Variants in WWOX observed in about 807,000 individuals in gnomAD.
WWOX encodes WW domain-containing oxidoreductase.
WWOX carries 69 observed loss-of-function variants against 46.2 expected under a neutral mutation model. The ratio of observed to expected loss-of-function variants is 1.49; its 90% confidence interval spans 1.23 to 1.82. The LOEUF is 1.82. Ranked by LOEUF, WWOX falls within the 40% of genes most tolerant of loss-of-function variation. WWOX has a pLI of 0.00. For missense variants in WWOX, 919 were observed against 542.6 expected (o/e 1.69, Z -6.89); for synonymous variants, 359 against 202.6 (o/e 1.77, Z -6.56).
intron 8 of WWOX, among the ~76,000 whole-genome samples, chr16:79,147,760 T>C (rs1457934908): frequency 6.6e-6 from 1 of 152,244 alleles, no homozygotes. Context: ...GTTGCAGTTT[T>C]TTATTTTAGC....
chr16:78,756,224 G>C (rs957590204), intron 8 of WWOX, among the ~76,000 whole-genome samples: 1 of 152,154 alleles, frequency 6.6e-6, no homozygotes, highest in Non-Finnish European at 1.5e-5. Flanking sequence ...TCCCTTTCCA[G>C]CTGGCCCTGT....
At chr16:78,300,608 C>T (rs2080023457) in intron 5 of WWOX, among the ~76,000 whole-genome samples, 6 of 151,958 alleles carry the variant, frequency 3.9e-5, no homozygotes. Flanking sequence ...GTTTTTCATG[C>T]AATGGCATTA....
chr16:78,191,692 G>A (rs1350355221), intron 5 of WWOX, among the ~76,000 whole-genome samples: 2 of 152,132 alleles, frequency 1.3e-5, no homozygotes, highest in African/African-American at 4.8e-5. Flanking sequence ...TGAGGATTTA[G>A]AACAAGGCAG....
chr16:78,732,042 T>G (rs535557579), intron 8 of WWOX, among the ~76,000 whole-genome samples: 1 of 151,932 alleles, frequency 6.6e-6, no homozygotes, highest in East Asian at 1.9e-4. Flanking sequence ...CAAAACACTT[T>G]TTGTAGAGAA....
intron 8 of WWOX, among the ~76,000 whole-genome samples, chr16:79,186,325 G>A (rs1025166528): frequency 6.6e-6 from 1 of 152,160 alleles, no homozygotes; most frequent in Non-Finnish European, 1.5e-5. Context: ...CCACAGTGTG[G>A]ACAGGGCCAT....
chr16:78,632,567 T>TG (rs762941794), intron 8 of WWOX, among the ~76,000 whole-genome samples: 1 of 137,544 alleles, frequency 7.3e-6, no homozygotes, highest in African/African-American at 2.8e-5. Context: ...ATTTTTTTTT[T>TG]TTTTTTTTTT....
At chr16:78,101,284 T>TG (rs1313622520) in intron 1 of WWOX, among the ~76,000 whole-genome samples, 1 of 148,374 alleles carries the variant, frequency 6.7e-6, no homozygotes, top group Non-Finnish European at 1.5e-5. Context: ...CCTGACCTCG[T>TG]GATCCTCCCG....
chr16:79,042,496 G>T (rs1330461737), intron 8 of WWOX, among the ~76,000 whole-genome samples: 2 of 152,062 alleles, frequency 1.3e-5, no homozygotes, highest in Non-Finnish European at 1.5e-5. Flanking sequence ...GATCCTATTC[G>T]CATGATAAAA....
chr16:78,767,076 C>T (rs116627646), intron 8 of WWOX, among the ~76,000 whole-genome samples: 3,661 of 143,148 alleles, frequency 0.026, 170 homozygotes, highest in African/African-American at 0.09. Flanking sequence ...CTCCCTCCCT[C>T]CCTCCTTCTC....
chr16:79,076,023 C>A (rs1384930377), intron 8 of WWOX, among the ~76,000 whole-genome samples: 1 of 152,004 alleles, frequency 6.6e-6, no homozygotes, highest in Non-Finnish European at 1.5e-5. Flanking sequence ...TTTCTTCTTA[C>A]AGTATATGTA....
chr16:78,517,965 A>T (rs2043273924), intron 8 of WWOX, among the ~76,000 whole-genome samples: 1 of 147,174 alleles, frequency 6.8e-6, no homozygotes, highest in African/African-American at 2.5e-5. Context: ...ATATGTGTGG[A>T]CCACAGAGAT....
intron 8 of WWOX, among the ~76,000 whole-genome samples, chr16:78,573,385 C>G (rs997949939): frequency 6.6e-5 from 10 of 152,316 alleles, no homozygotes; most frequent in Admixed American, 2.0e-4. Context: ...GTTTTTTCTT[C>G]TTAGCCATTT....
At chr16:78,711,658 G>A (rs556594632) in intron 8 of WWOX, among the ~76,000 whole-genome samples, 2 of 152,062 alleles carry the variant, frequency 1.3e-5, no homozygotes, top group East Asian at 1.9e-4. Context: ...TATTTGAGAC[G>A]AACAGGCCAA....
intron 8 of WWOX, among the ~76,000 whole-genome samples, chr16:78,578,977 A>T (rs920497575): frequency 1.3e-5 from 2 of 152,160 alleles, no homozygotes; most frequent in African/African-American, 2.4e-5. Flanking sequence ...AACCACCACC[A>T]CAAAAGAGGC....
At chr16:78,806,555 C>A (rs561278819) in intron 8 of WWOX, among the ~76,000 whole-genome samples, 14 of 152,178 alleles carry the variant, frequency 9.2e-5, no homozygotes, top group African/African-American at 3.4e-4. Context: ...GGGACCCTTG[C>A]TGGAGGGTCT....
chr16:78,626,032 A>G (rs72805032), intron 8 of WWOX, among the ~76,000 whole-genome samples: 2,392 of 151,956 alleles, frequency 0.016, 29 homozygotes, highest in Middle Eastern at 0.051. Context: ...GTTATTAACT[A>G]AAGTCCATCG....
At chr16:78,173,176 G>A (rs1046365956) in intron 5 of WWOX, among the ~76,000 whole-genome samples, 7 of 152,192 alleles carry the variant, frequency 4.6e-5, no homozygotes, top group Non-Finnish European at 5.9e-5. Context: ...ATATGCAGAC[G>A]CAACCCAGTG....
At chr16:78,325,380 A>G (rs57639192) in intron 5 of WWOX, among the ~76,000 whole-genome samples, 9,864 of 152,254 alleles carry the variant, frequency 0.065, 512 homozygotes, top group South Asian at 0.3. Context: ...TGCTTTTCCA[A>G]TTGTTCTATT....
At chr16:79,101,792 C>G (rs1014990919) in intron 8 of WWOX, 1 of 150,148 alleles carries the variant, frequency 6.7e-6, no homozygotes, top group African/African-American at 2.5e-5. Flanking sequence ...CATCTACTTT[C>G]CAGATAGTTT....
Sources: gnomAD v4.1 joint callset for allele counts (sites outside exome capture counted in the v4.1 genomes callset) on GRCh38, gnomAD v4.1.1 for gene constraint, MANE v1.5 for transcripts, NCBI Gene and HGNC (gene_info 2026-07-23, HGNC 2026-07-21) for gene names.